Variants in CTNNA3 observed in about 807,000 individuals in gnomAD.
The protein encoded by CTNNA3 is catenin alpha-3.
Under a neutral mutation model 95.7 loss-of-function variants are expected in CTNNA3, and 76 were observed. That is an observed-to-expected ratio of 0.79 (90% CI 0.66 to 0.96). The LOEUF is 0.96. Ranked by LOEUF, CTNNA3 falls within the 40% of genes least tolerant of loss-of-function variation. The probability of loss-of-function intolerance (pLI) is 0.00; values close to 1 mark genes in which losing one functional copy is unlikely to be tolerated. For synonymous variants in CTNNA3, 431 were observed against 374.4 expected, an observed-to-expected ratio of 1.15 and a Z score of -1.74; for missense variants, 1,191 against 1,089.8, an observed-to-expected ratio of 1.09 and a Z score of -1.31.
chr10:67,638,377 T>C (rs372557292), intron 2 of CTNNA3, among the ~76,000 whole-genome samples: 20,219 of 151,950 alleles, frequency 0.13, 2,423 homozygotes, highest in African/African-American at 0.32. Flanking sequence ...TAGAGACCTA[T>C]AAAGAGACTT....
intron 9 of CTNNA3, among the ~76,000 whole-genome samples, chr10:66,642,633 C>G (rs184643278): frequency 6.6e-6 from 1 of 152,038 alleles, no homozygotes; most frequent in East Asian, 1.9e-4. Flanking sequence ...AATATAAATG[C>G]CCGCCATTTT....
At chr10:67,162,083 A>C (rs1011120555) in intron 7 of CTNNA3, among the ~76,000 whole-genome samples, 10 of 152,092 alleles carry the variant, frequency 6.6e-5, no homozygotes, top group African/African-American at 2.2e-4. Flanking sequence ...TTATAGCTGT[A>C]GACTTCAACA....
chr10:65,929,502 A>G (rs74140872), intron 17 of CTNNA3, among the ~76,000 whole-genome samples: 3,994 of 152,190 alleles, frequency 0.026, 159 homozygotes, highest in African/African-American at 0.09. Context: ...TAATGTGATA[A>G]CAGCTAATCT....
intron 13 of CTNNA3, among the ~76,000 whole-genome samples, chr10:66,251,371 T>A (rs1239665905): frequency 6.6e-6 from 1 of 152,230 alleles, no homozygotes; most frequent in African/African-American, 2.4e-5. Context: ...CTGATTTTTC[T>A]TAGACGTTTG....
chr10:66,766,440 GTTTTTT>G, intron 8 of CTNNA3, 24 bp from the exon 9 acceptor site: 1 of 1,454,692 alleles, frequency 6.9e-7, no homozygotes, highest in Non-Finnish European at 9.3e-7. Flanking sequence ...AAAAATTCAG[GTTTTTT>G]TTTTCCAGGA....
intron 5 of CTNNA3, among the ~76,000 whole-genome samples, chr10:67,502,357 G>A (rs757213480): frequency 6.6e-6 from 1 of 152,142 alleles, no homozygotes; most frequent in African/African-American, 2.4e-5. Context: ...ATCCCAGAGG[G>A]GCACCTGCCA....
At chr10:66,199,278 A>C (rs990834807) in intron 13 of CTNNA3, among the ~76,000 whole-genome samples, 1 of 152,166 alleles carries the variant, frequency 6.6e-6, no homozygotes, top group African/African-American at 2.4e-5. Context: ...CTGTATTAAA[A>C]GCATTATAAT....
intron 9 of CTNNA3, among the ~76,000 whole-genome samples, chr10:66,690,552 A>C: frequency 7.0e-6 from 1 of 143,804 alleles, no homozygotes; most frequent in African/African-American, 2.6e-5. Context: ...TTCAATTCCC[A>C]CCTATGAGTG....
intron 14 of CTNNA3, among the ~76,000 whole-genome samples, chr10:66,080,855 C>T (rs983770449): frequency 6.6e-6 from 1 of 152,108 alleles, no homozygotes; most frequent in Non-Finnish European, 1.5e-5. Flanking sequence ...TACCCTCCTA[C>T]AGAGAGTAGG....
chr10:67,069,007 G>A (rs1401504140), intron 7 of CTNNA3, among the ~76,000 whole-genome samples: 2 of 151,818 alleles, frequency 1.3e-5, no homozygotes, highest in Non-Finnish European at 2.9e-5. Flanking sequence ...TTGCAGCTCA[G>A]ATCACCACTG....
chr10:67,144,331 C>CA (rs1860741685), intron 7 of CTNNA3, among the ~76,000 whole-genome samples: 1 of 152,188 alleles, frequency 6.6e-6, no homozygotes, highest in African/African-American at 2.4e-5. Context: ...GCATTGGTTT[C>CA]AAGTTAAAGT....
chr10:67,224,731 G>A (rs1403695171), intron 5 of CTNNA3, among the ~76,000 whole-genome samples: 1 of 152,180 alleles, frequency 6.6e-6, no homozygotes, highest in African/African-American at 2.4e-5. Flanking sequence ...TGGGTCCCCA[G>A]TCAGGCCATT....
At chr10:65,933,398 T>C (rs1453214097) in intron 17 of CTNNA3, among the ~76,000 whole-genome samples, 1 of 152,184 alleles carries the variant, frequency 6.6e-6, no homozygotes, top group Non-Finnish European at 1.5e-5. Context: ...CATTCTGATA[T>C]ACTTCCTGGA....
intron 7 of CTNNA3, among the ~76,000 whole-genome samples, chr10:66,919,882 A>G (rs896887758): frequency 2.0e-5 from 3 of 152,190 alleles, no homozygotes; most frequent in Admixed American, 6.5e-5. Context: ...GACAACCCTG[A>G]TATATTGTTG....
chr10:67,520,215 T>C (rs892186424), intron 5 of CTNNA3, among the ~76,000 whole-genome samples: 1 of 152,216 alleles, frequency 6.6e-6, no homozygotes, highest in Non-Finnish European at 1.5e-5. Context: ...ATGATTTATA[T>C]AGGCATATAT....
chr10:66,367,895 T>A (rs765030497), intron 12 of CTNNA3, among the ~76,000 whole-genome samples: 57 of 36,540 alleles, frequency 1.6e-3, no homozygotes, highest in East Asian at 4.8e-3. Flanking sequence ...TTATTATTAT[T>A]ATTATTATTA....
Position 66,816,245 on chromosome 10 carries a change from C to CA in CTNNA3, c.1048-40722dup, listed in dbSNP as rs550449948. ...TACACTAGAAAATACATATTTAATA[C>CA]AAAAAAGCAAAGTAAAATGGAGGAA... is the stretch of plus-strand genomic sequence containing the variant. On this transcript the variant is annotated intron_variant, in intron 7 of 17. Coordinates refer to ENST00000433211, the MANE Select transcript of CTNNA3 (RefSeq NM_013266.4). Among the ~76,000 whole-genome samples, 271 of 151,700 alleles carry CA rather than the reference C, an allele frequency of 1.8e-3. 1 individual carries two copies. Among genetic ancestry groups the CA allele is most frequent in the Non-Finnish European group, 3.0e-3 (206 of 67,826 alleles).
intron 7 of CTNNA3, among the ~76,000 whole-genome samples, chr10:66,932,135 A>T (rs1464538678): frequency 1.3e-5 from 2 of 151,994 alleles, no homozygotes; most frequent in Admixed American, 1.3e-4. Flanking sequence ...CCAGCTGAAC[A>T]CTGGTTCTAT....
At chr10:66,168,076 G>A (rs1318445045) in intron 13 of CTNNA3, among the ~76,000 whole-genome samples, 1 of 152,166 alleles carries the variant, frequency 6.6e-6, no homozygotes, top group Non-Finnish European at 1.5e-5. Context: ...GAGTCACTTT[G>A]CTTAAGGCTG....
Sources: allele counts gnomAD v4.1 joint callset (sites outside exome capture counted in the v4.1 genomes callset), GRCh38; gene constraint gnomAD v4.1.1; transcripts MANE v1.5; gene names NCBI Gene and HGNC (gene_info 2026-07-23, HGNC 2026-07-21).